The following NEBL variants were observed in gnomAD, a reference collection of about 807,000 sequenced individuals.
NEBL encodes nebulette.
NEBL carries 122 observed loss-of-function variants against 140.2 expected under a neutral mutation model. That is an observed-to-expected ratio of 0.87 (90% CI 0.75 to 1.01). The LOEUF (loss-of-function observed/expected upper bound fraction) is 1.01. Among genes scored for constraint, NEBL ranks in the 50% least tolerant of loss-of-function variants. The pLI is 0.00. For synonymous variants in NEBL, 436 were observed against 398.9 expected (o/e 1.09, Z -1.11); for missense variants, 1,365 against 1,231.3 (o/e 1.11, Z -1.62).
chr10:20,816,454 C>T (rs1838728060), intron 21 of NEBL, among the ~76,000 whole-genome samples: 1 of 152,170 alleles, frequency 6.6e-6, no homozygotes, highest in East Asian at 1.9e-4. Flanking sequence ...CACTGGTCCA[C>T]TCCTTGTCTA....
intron 2 of NEBL, among the ~76,000 whole-genome samples, chr10:21,021,383 T>G (rs1158639329): frequency 6.6e-6 from 1 of 152,182 alleles, no homozygotes; most frequent in African/African-American, 2.4e-5. Context: ...CCAGTTGATC[T>G]TGGAATAAAG....
intron 3 of NEBL, among the ~76,000 whole-genome samples, chr10:21,193,518 A>G (rs574795867): frequency 6.6e-6 from 1 of 152,246 alleles, no homozygotes; most frequent in Non-Finnish European, 1.5e-5. Context: ...TACAAACACT[A>G]TTTCAAGCCA....
At chr10:21,118,743 C>T (rs745468257) in intron 2 of NEBL, among the ~76,000 whole-genome samples, 5 of 152,152 alleles carry the variant, frequency 3.3e-5, no homozygotes, top group African/African-American at 4.8e-5. Context: ...TACATATGTG[C>T]GAAATGAGTC....
chr10:20,831,117 T>C (rs1175104859), intron 16 of NEBL, 79 bp downstream of exon 16: 1 of 1,020,808 alleles, frequency 9.8e-7, no homozygotes, highest in East Asian at 2.4e-5. Context: ...CAGAAAGATA[T>C]CATTCATAGA....
intron 1 of NEBL, among the ~76,000 whole-genome samples, chr10:21,253,848 A>G (rs1588566595): frequency 6.6e-6 from 1 of 152,196 alleles, no homozygotes; most frequent in East Asian, 1.9e-4. Context: ...CCTGGCCAAA[A>G]TGCCAACTTT....
chr10:21,175,054 T>C (rs1295646442), upstream of NEBL: 1 of 152,182 alleles, frequency 6.6e-6, no homozygotes. Context: ...GAAAATCAAG[T>C]AGAAGGCTCA....
At chr10:21,142,707 C>G (rs193000090) in intron 2 of NEBL, among the ~76,000 whole-genome samples, 66 of 152,308 alleles carry the variant, frequency 4.3e-4, no homozygotes, top group African/African-American at 1.6e-3. Flanking sequence ...GCGAGCATTA[C>G]TGCTACTGCC....
chr10:20,973,048 G>T (rs1836647632), intron 3 of NEBL, among the ~76,000 whole-genome samples: 1 of 151,978 alleles, frequency 6.6e-6, no homozygotes, highest in South Asian at 2.1e-4. Flanking sequence ...AAGAATTATG[G>T]CTTCTTAGCT....
chr10:21,021,051 C>T (rs751688666), intron 2 of NEBL, among the ~76,000 whole-genome samples: 2 of 152,142 alleles, frequency 1.3e-5, no homozygotes, highest in Non-Finnish European at 2.9e-5. Flanking sequence ...AAGTTCCTCC[C>T]CTGGATCTTC....
intron 3 of NEBL, among the ~76,000 whole-genome samples, chr10:21,211,315 CA>C (rs59958781): frequency 6.6e-6 from 1 of 151,604 alleles, no homozygotes. Flanking sequence ...CGCGTTTCTA[CA>C]AAAAAATAAG....
At chr10:20,875,997 G>T (rs1845462207) in intron 5 of NEBL, among the ~76,000 whole-genome samples, 1 of 152,092 alleles carries the variant, frequency 6.6e-6, no homozygotes, top group African/African-American at 2.4e-5. Context: ...AAGCCCTCCA[G>T]GTATCATCAA....
intron 7 of NEBL, among the ~76,000 whole-genome samples, chr10:20,864,866 C>A (rs903187065): frequency 1.3e-5 from 2 of 152,120 alleles, no homozygotes; most frequent in Admixed American, 6.6e-5. Flanking sequence ...ATTTTCCCAG[C>A]TTTCCCCTTT....
At chr10:21,028,793 CAGAG>C (rs900244718) in intron 2 of NEBL, among the ~76,000 whole-genome samples, 20 of 150,406 alleles carry the variant, frequency 1.3e-4, no homozygotes, top group African/African-American at 4.6e-4. Flanking sequence ...AAAATGAAGA[CAGAG>C]AGAAAAAGCA....
intron 4 of NEBL, among the ~76,000 whole-genome samples, chr10:20,887,537 G>A (rs1241020351): frequency 6.8e-6 from 1 of 146,214 alleles, no homozygotes; most frequent in African/African-American, 2.5e-5. Context: ...TCCCACCTCA[G>A]CCTCCTGAGT....
At chr10:20,840,623 G>A (rs1157482303) in intron 13 of NEBL, 116 bp downstream of exon 13, 1 of 745,866 alleles carries the variant, frequency 1.3e-6, no homozygotes, top group Non-Finnish European at 2.3e-6. Context: ...GGATATAGCT[G>A]TTTACAATCA....
intron 4 of NEBL, among the ~76,000 whole-genome samples, chr10:20,927,080 C>T (rs905983522): frequency 4.6e-5 from 7 of 152,086 alleles, no homozygotes; most frequent in African/African-American, 1.2e-4. Flanking sequence ...AGTTTCAACG[C>T]GACTGCATGT....
chr10:21,191,602 T>C (rs962959932), intron 3 of NEBL, among the ~76,000 whole-genome samples: 2 of 152,214 alleles, frequency 1.3e-5, no homozygotes, highest in African/African-American at 4.8e-5. Flanking sequence ...GCTAGGCCTA[T>C]TCAGAAGGAA....
intron 18 of NEBL, among the ~76,000 whole-genome samples, chr10:20,825,066 G>C (rs1401559233): frequency 6.6e-6 from 1 of 152,144 alleles, no homozygotes; most frequent in African/African-American, 2.4e-5. Flanking sequence ...TCAAGAGACA[G>C]CTCCATGGTG....
rs78246976 is a variant in NEBL at position 21,116,669 on chromosome 10, C to T, written c.164+55714G>A. 1.6e-3 allele frequency among the ~76,000 whole-genome samples: 237 copies of T among 152,000 alleles called. 7 individuals are homozygous for T. The East Asian group carries it at 0.041, about 26-fold the overall frequency. ...TGCTTCTTTGAATGCCTGGTAATTT[C>T]TTTTTCTTTTTACTTTTTTGGAGAC... is the stretch of plus-strand genomic sequence containing the variant. On this transcript the variant is annotated intron_variant, in intron 2 of 6. Coordinates refer to the NEBL transcript ENST00000417816.
Sources: gnomAD v4.1 joint callset for allele counts (sites outside exome capture counted in the v4.1 genomes callset) on GRCh38, gnomAD v4.1.1 for gene constraint, MANE v1.5 for transcripts, NCBI Gene and HGNC (gene_info 2026-07-23, HGNC 2026-07-21) for gene names.